SMYD3: variants seen among roughly 807,000 people sequenced by gnomAD.
SMYD3 encodes the protein SET and MYND domain containing 3.
Under a neutral mutation model 57.7 loss-of-function variants are expected in SMYD3, and 36 were observed. That is an observed-to-expected ratio of 0.62 (90% CI 0.48 to 0.82). SMYD3 has a LOEUF of 0.82. Ranked by LOEUF, SMYD3 falls within the 40% of genes least tolerant of loss-of-function variation. The pLI is 0.00. For synonymous variants in SMYD3, 211 were observed against 195.0 expected (o/e 1.08, Z -0.68); for missense variants, 515 against 538.8 (o/e 0.96, Z 0.44).
At chr1:246,225,321 CAAAAAAAAAAAAAAAAA>C (rs60915002) in intron 5 of SMYD3, among the ~76,000 whole-genome samples, 1,390 of 76,246 alleles carry the variant, frequency 0.018, 10 homozygotes, top group Non-Finnish European at 0.029. Flanking sequence ...GCTGAAAAGT[CAAAAAAAAAAAAAAAAA>C]AAAAAAAAAA....
At chr1:245,775,715 TAA>T (rs749327071) in intron 10 of SMYD3, among the ~76,000 whole-genome samples, 1,127 of 109,946 alleles carry the variant, frequency 0.01, 13 homozygotes, top group Middle Eastern at 0.047. Flanking sequence ...CAATAAATAC[TAA>T]AAAAAAAAAA....
chr1:246,195,397 C>T (rs1413356742), intron 5 of SMYD3, among the ~76,000 whole-genome samples: 3 of 152,204 alleles, frequency 2.0e-5, no homozygotes, highest in East Asian at 1.9e-4. Context: ...TCATGTGGTA[C>T]GGGGCCTCTG....
chr1:245,939,638 A>ATAAG (rs66860593), intron 5 of SMYD3, among the ~76,000 whole-genome samples: 2 of 151,680 alleles, frequency 1.3e-5, no homozygotes, highest in South Asian at 2.1e-4. Flanking sequence ...GAAGAAATAA[A>ATAAG]TAAATAAATA....
chr1:246,014,482 C>T (rs1310712458), intron 5 of SMYD3, among the ~76,000 whole-genome samples: 1 of 152,080 alleles, frequency 6.6e-6, no homozygotes, highest in Non-Finnish European at 1.5e-5. Flanking sequence ...CGAAGAGTCA[C>T]GGGCTTATCC....
intron 5 of SMYD3, among the ~76,000 whole-genome samples, chr1:246,228,115 G>A (rs1191551315): frequency 2.0e-5 from 3 of 151,808 alleles, no homozygotes; most frequent in African/African-American, 4.8e-5. Flanking sequence ...GATTACAGGC[G>A]CATGCTACCA....
chr1:246,167,116 T>C (rs745316550), intron 5 of SMYD3, among the ~76,000 whole-genome samples: 1 of 152,192 alleles, frequency 6.6e-6, no homozygotes, highest in Non-Finnish European at 1.5e-5. Context: ...GTATGGGTAC[T>C]TCATTCATTT....
chr1:246,395,228 C>A (rs2148774965), intron 1 of SMYD3, among the ~76,000 whole-genome samples: 1 of 152,304 alleles, frequency 6.6e-6, no homozygotes, highest in South Asian at 2.1e-4. Context: ...GCAACCAAAC[C>A]AGAACCAAAT....
chr1:245,772,012 CCAT>C (rs574045468), intron 10 of SMYD3, among the ~76,000 whole-genome samples: 29 of 152,184 alleles, frequency 1.9e-4, no homozygotes, highest in Non-Finnish European at 3.4e-4. Flanking sequence ...CACTGCTTCT[CCAT>C]CACCTCTACT....
intron 5 of SMYD3, among the ~76,000 whole-genome samples, chr1:246,314,524 T>G (rs1382884244): frequency 6.6e-6 from 1 of 152,270 alleles, no homozygotes; most frequent in African/African-American, 2.4e-5. Context: ...AATAAAAAAT[T>G]AAAACAAAGG....
At chr1:245,939,377 A>G (rs1049693537) in intron 5 of SMYD3, among the ~76,000 whole-genome samples, 11 of 152,190 alleles carry the variant, frequency 7.2e-5, no homozygotes, top group African/African-American at 2.2e-4. Context: ...TGTAATCCCA[A>G]CACTTTGGGA....
chr1:245,865,325 A>C (rs932058540), intron 8 of SMYD3, among the ~76,000 whole-genome samples: 6 of 152,160 alleles, frequency 3.9e-5, no homozygotes, highest in Non-Finnish European at 8.8e-5. Context: ...TCTATAGAAT[A>C]CTAAAAAATA....
chr1:245,855,464 A>G (rs1028175021), intron 10 of SMYD3, among the ~76,000 whole-genome samples: 2 of 152,214 alleles, frequency 1.3e-5, no homozygotes, highest in Admixed American at 6.5e-5. Flanking sequence ...TAATTGGCGA[A>G]TTAACATTAG....
chr1:246,205,423 A>T (rs78365110), intron 5 of SMYD3, among the ~76,000 whole-genome samples: 20,167 of 152,144 alleles, frequency 0.13, 3,484 homozygotes, highest in African/African-American at 0.4. Flanking sequence ...TCTAGCCACA[A>T]CTCGCCACAG....
chr1:246,281,435 G>A (rs1273767755), intron 5 of SMYD3, among the ~76,000 whole-genome samples: 5 of 152,200 alleles, frequency 3.3e-5, no homozygotes, highest in Non-Finnish European at 5.9e-5. Flanking sequence ...TGTGAGATAG[G>A]TGATTTTATG....
intron 10 of SMYD3, among the ~76,000 whole-genome samples, chr1:245,816,589 C>T (rs980991202): frequency 2.7e-5 from 4 of 150,690 alleles, no homozygotes; most frequent in Admixed American, 6.6e-5. Flanking sequence ...CAGCTCCCAG[C>T]GTGAGTGACA....
intron 10 of SMYD3, among the ~76,000 whole-genome samples, chr1:245,806,675 C>T (rs2048162305): frequency 6.6e-6 from 1 of 151,930 alleles, no homozygotes; most frequent in Non-Finnish European, 1.5e-5. Flanking sequence ...CTTTGGGAGG[C>T]CGAGGCGGGT....
chr1:246,164,879 C>T (rs1294177386), intron 5 of SMYD3, among the ~76,000 whole-genome samples: 1 of 152,210 alleles, frequency 6.6e-6, no homozygotes, highest in African/African-American at 2.4e-5. Context: ...CCCATGTTGG[C>T]TGCTGGAAGT....
chr1:245,923,909 C>T (rs972921551), intron 7 of SMYD3, among the ~76,000 whole-genome samples: 1 of 152,190 alleles, frequency 6.6e-6, no homozygotes, highest in Non-Finnish European at 1.5e-5. Flanking sequence ...ATCCAGTAAA[C>T]ATGCAGTGAA....
intron 10 of SMYD3, among the ~76,000 whole-genome samples, chr1:245,832,410 T>C (rs911662208): frequency 6.6e-6 from 1 of 152,016 alleles, no homozygotes; most frequent in African/African-American, 2.4e-5. Context: ...GGACAATGCA[T>C]TCCACCCCTG....
Sources: allele counts gnomAD v4.1 joint callset (sites outside exome capture counted in the v4.1 genomes callset), GRCh38; gene constraint gnomAD v4.1.1; transcripts MANE v1.5; gene names NCBI Gene and HGNC (gene_info 2026-07-23, HGNC 2026-07-21).